APPBP2: variants seen among roughly 807,000 people sequenced by gnomAD.
The protein encoded by APPBP2 is amyloid protein-binding protein 2.
In APPBP2, 15 loss-of-function variants were observed where a neutral mutation model predicts 76.0. That is an observed-to-expected ratio of 0.20 (90% confidence interval 0.13 to 0.30). The LOEUF is 0.30. Ranked by LOEUF, APPBP2 falls within the 10% of genes least tolerant of loss-of-function variation. APPBP2 has a pLI of 1.00. For synonymous variants in APPBP2, 222 were observed against 242.2 expected, an observed-to-expected ratio of 0.92 and a Z score of 0.77; for missense variants, 401 against 687.2, an observed-to-expected ratio of 0.58 and a Z score of 4.66.
At chr17:60,482,300 T>C (rs73328430) in intron 3 of APPBP2, among the ~76,000 whole-genome samples, 12,485 of 152,242 alleles carry the variant, frequency 0.082, 1,694 homozygotes, top group African/African-American at 0.28. Flanking sequence ...AACATATTCC[T>C]GTTAAGAAAT....
chr17:60,475,063 A>G (rs2090579475), intron 4 of APPBP2, among the ~76,000 whole-genome samples: 1 of 152,030 alleles, frequency 6.6e-6, no homozygotes, highest in African/African-American at 2.4e-5. Context: ...CCCCATCTCT[A>G]CTAAAAATAC....
chr17:60,470,227 T>C (rs755345171), intron 4 of APPBP2, among the ~76,000 whole-genome samples: 17 of 152,166 alleles, frequency 1.1e-4, no homozygotes, highest in Non-Finnish European at 1.9e-4. Context: ...TGTATCTTCC[T>C]TGGGAAAATG....
rs938626080 is a variant in APPBP2, at chr17:60,445,039, T to C, written c.*2542A>G. Reference sequence around the variant, plus strand: ...ATCATAGTGGCACACATCTAACTTATCCTAAACATCCCTACTTAAAGGATG... The same window carrying C: ...ATCATAGTGGCACACATCTAACTTACCCTAAACATCCCTACTTAAAGGATG... On this transcript the variant is annotated 3_prime_UTR_variant, in exon 13 of 13. Transcript: ENST00000083182. 1.3e-5 allele frequency: 2 copies of C among 152,196 alleles called. No individual in the cohort carries two copies. Among genetic ancestry groups the C allele is most frequent in the Admixed American group, 6.5e-5 (1 of 15,282 alleles). The allele number at this position is 152,196 out of a possible 1,614,324, so 9.4% of individuals were successfully genotyped here. A position where few individuals can be genotyped will look rare whatever the true frequency, so the allele number is the denominator to read the frequency against.
intron 4 of APPBP2, among the ~76,000 whole-genome samples, chr17:60,470,519 G>T (rs1567924307): frequency 6.6e-6 from 1 of 152,126 alleles, no homozygotes; most frequent in Non-Finnish European, 1.5e-5. Flanking sequence ...TTCTGCCTCA[G>T]CCTCCCAAAG....
chr17:60,501,099 G>C (rs1004086260), intron 1 of APPBP2, among the ~76,000 whole-genome samples: 1 of 152,162 alleles, frequency 6.6e-6, no homozygotes, highest in Non-Finnish European at 1.5e-5. Context: ...AGTATTGCTT[G>C]AGGCCAGAGT....
rs761525267 is a variant in APPBP2 at position 60,447,693 on chromosome 17, C to T, written c.1646G>A (p.Arg549Gln). ...AAGAGCATCTGTCACTGAATATTGCCGATCTCGCAACCGGTTCCAGTTAGA... is the reference window on the plus strand; with the variant it reads ...AAGAGCATCTGTCACTGAATATTGCTGATCTCGCAACCGGTTCCAGTTAGA... ...VLSNWNRLRD[R>Q]QYSVTDALED... The change falls in exon 13 of 13, where the codon CGG (arginine) becomes CAG (glutamine). Residue 549 changes from arginine (R) to glutamine (Q), a missense_variant. Arg to Gln is a conservative substitution (Grantham distance 43). This residue lies in a region of APPBP2 where 56 missense variants were observed against 76.5 expected (regional missense o/e 0.73). Coordinates refer to ENST00000083182, the MANE Select transcript of APPBP2 (RefSeq NM_006380.5). The T allele has an allele frequency of 3.7e-6, 6 of 1,613,932 alleles. No homozygotes were observed. The highest frequency in any genetic ancestry group is 1.1e-5 in the South Asian group (1 of 91,078).
intron 9 of APPBP2, among the ~76,000 whole-genome samples, chr17:60,457,602 A>T (rs1399119188): frequency 2.0e-5 from 3 of 151,260 alleles, no homozygotes; most frequent in East Asian, 3.9e-4. Context: ...ATTTTTTTGC[A>T]TTTTCTTTGA....
intron 3 of APPBP2, among the ~76,000 whole-genome samples, chr17:60,487,001 T>C (rs1171054091): frequency 1.3e-5 from 2 of 152,320 alleles, no homozygotes; most frequent in South Asian, 4.1e-4. Flanking sequence ...TTCTTTTCTT[T>C]AAGAATGTTG....
At chr17:60,511,146 A>C (rs1598373890) in intron 1 of APPBP2, among the ~76,000 whole-genome samples, 2 of 152,194 alleles carry the variant, frequency 1.3e-5, no homozygotes, top group African/African-American at 4.8e-5. Context: ...GTCAGTGATA[A>C]CCAGTCATAC....
At chr17:60,487,009 T>C (rs560343368) in intron 3 of APPBP2, among the ~76,000 whole-genome samples, 19 of 152,334 alleles carry the variant, frequency 1.2e-4, no homozygotes, top group Non-Finnish European at 1.3e-4. Context: ...TTTAAGAATG[T>C]TGAATATTGG....
At chr17:60,452,411 T>A (rs2090401777) in intron 11 of APPBP2, among the ~76,000 whole-genome samples, 1 of 152,208 alleles carries the variant, frequency 6.6e-6, no homozygotes, top group South Asian at 2.1e-4. Flanking sequence ...GTTAACACAG[T>A]TAACACAGTC....
At chr17:60,453,677 C>A (rs1431711465) in intron 11 of APPBP2, among the ~76,000 whole-genome samples, 1 of 151,028 alleles carries the variant, frequency 6.6e-6, no homozygotes, top group Non-Finnish European at 1.5e-5. Context: ...GAAGCTGGGA[C>A]TACAGGTGTG....
intron 1 of APPBP2, among the ~76,000 whole-genome samples, chr17:60,524,868 A>C (rs1303940517): frequency 6.6e-6 from 1 of 152,222 alleles, no homozygotes; most frequent in East Asian, 1.9e-4. Flanking sequence ...ATTCAAGACA[A>C]GGAAGACTGA....
At position 60,446,716 on chromosome 17, in the gene APPBP2, TG is replaced by T; in HGVS notation, c.*864del. 6.6e-6 allele frequency: 1 copy of T among 152,354 alleles called. No individual in the cohort carries two copies. The allele number at this position is 152,354 out of a possible 1,614,324, so 9.4% of individuals were successfully genotyped here. A position where few individuals can be genotyped will look rare whatever the true frequency, so the allele number is the denominator to read the frequency against. ...TTGAAATTGCCAAACTTCCCTAATT[TG>T]GTATCTATTACATAATTTTTGCATT... On this transcript the variant is annotated 3_prime_UTR_variant, in exon 13 of 13. Coordinates refer to ENST00000083182, the MANE Select transcript of APPBP2 (RefSeq NM_006380.5).
intron 1 of APPBP2, among the ~76,000 whole-genome samples, chr17:60,524,610 GAAAAAAAAAAAAA>G (rs35185909): frequency 4.2e-4 from 21 of 49,942 alleles, no homozygotes; most frequent in South Asian, 9.3e-4. Flanking sequence ...TGCTAATTCT[GAAAAAAAAAAAAA>G]AAAAAAAAAA....
intron 9 of APPBP2, among the ~76,000 whole-genome samples, chr17:60,457,422 T>C (rs2090439413): frequency 6.6e-6 from 1 of 151,696 alleles, no homozygotes; most frequent in Non-Finnish European, 1.5e-5. Flanking sequence ...TTTTTTGTTT[T>C]GTTTTTGTTT....
At chr17:60,460,878 G>A (rs1440631458) in intron 8 of APPBP2, 91 bp from the exon 9 acceptor site, 9 of 1,268,824 alleles carry the variant, frequency 7.1e-6, no homozygotes, top group Non-Finnish European at 9.4e-6. Context: ...ATATCTATAT[G>A]CCTAACACCA....
At chr17:60,521,956 A>G (rs564509015) in intron 1 of APPBP2, among the ~76,000 whole-genome samples, 30 of 152,342 alleles carry the variant, frequency 2.0e-4, no homozygotes, top group African/African-American at 6.7e-4. Flanking sequence ...GTAACATGCT[A>G]TATGAGTTTG....
At chr17:60,496,352 G>A (rs1341710584) in intron 2 of APPBP2, 1 of 151,976 alleles carries the variant, frequency 6.6e-6, no homozygotes, top group African/African-American at 2.4e-5. Context: ...CACTGCTTTG[G>A]GTAAAGGAAA....
Sources: allele counts gnomAD v4.1 joint callset (sites outside exome capture counted in the v4.1 genomes callset), GRCh38; gene constraint gnomAD v4.1.1; regional missense constraint gnomAD v4.1.1; transcripts MANE v1.5; gene names NCBI Gene and HGNC (gene_info 2026-07-23, HGNC 2026-07-21).